SPTLC3: variants seen among roughly 807,000 people sequenced by gnomAD.
The protein encoded by SPTLC3 is serine palmitoyltransferase 3.
SPTLC3 carries 36 observed loss-of-function variants against 59.3 expected under a neutral mutation model. The observed-to-expected ratio is 0.61, with a 90% CI of 0.47 to 0.80. The LOEUF (loss-of-function observed/expected upper bound fraction) is 0.80, where lower values mean the gene tolerates loss of function less well. Ranked by LOEUF, SPTLC3 falls within the 30% of genes least tolerant of loss-of-function variation. The pLI, the probability that SPTLC3 is intolerant of heterozygous loss-of-function variation, is 0.00. For missense variants in SPTLC3, 625 were observed against 685.1 expected, an observed-to-expected ratio of 0.91 and a Z score of 0.98; for synonymous variants, 257 against 240.8, an observed-to-expected ratio of 1.07 and a Z score of -0.62.
chr20:13,072,674 A>T (rs1159243185), intron 3 of SPTLC3, among the ~76,000 whole-genome samples: 1 of 152,214 alleles, frequency 6.6e-6, no homozygotes, highest in Non-Finnish European at 1.5e-5. Flanking sequence ...CCAGGAAGAC[A>T]CCTTTCAGCT....
In SPTLC3 at chr20:13,166,622, C is replaced by A. The variant is rs547222545; in HGVS notation, c.*1755C>A. ...AGAAAGGGAGACATACTGTTCTTAT[C>A]TTGAATATGTGCATTTAAATGAATT... On this transcript the variant is annotated 3_prime_UTR_variant, in exon 12 of 12. Transcript: ENST00000399002. 6.6e-6 allele frequency: 1 copy of A among 152,286 alleles called. No homozygotes were observed. Among genetic ancestry groups the A allele is most frequent in the African/African-American group, 2.4e-5 (1 of 41,560 alleles). 9.4% of individuals were successfully genotyped at this position (152,286 alleles called of 1,614,324 possible).
intron 8 of SPTLC3, among the ~76,000 whole-genome samples, chr20:13,124,390 T>G (rs1392364470): frequency 6.6e-6 from 1 of 150,584 alleles, no homozygotes; most frequent in Non-Finnish European, 1.5e-5. Context: ...AGGAAGGAAA[T>G]ACTTTGAAAT....
At chr20:13,116,951 C>T (rs538585283) in intron 7 of SPTLC3, among the ~76,000 whole-genome samples, 15 of 152,344 alleles carry the variant, frequency 9.8e-5, no homozygotes, top group Admixed American at 9.8e-4. Context: ...ACACCTCGGT[C>T]TTTGACTTGA....
intron 2 of SPTLC3, among the ~76,000 whole-genome samples, chr20:13,071,172 T>C (rs1260429169): frequency 2.0e-5 from 3 of 152,244 alleles, no homozygotes; most frequent in African/African-American, 7.2e-5. Flanking sequence ...GCATTCATCC[T>C]AAGAAAACCT....
rs1301529742 is a variant in SPTLC3 at position 13,048,886 on chromosome 20, T to C, written c.118-59T>C. 3 of 1,401,878 alleles carry C rather than the reference T, an allele frequency of 2.1e-6. No individual in the cohort carries two copies. The East Asian group carries it at 7.3e-5, about 34-fold the overall frequency. The allele number at this position is 1,401,878 out of a possible 1,614,324, so 86.8% of individuals were successfully genotyped here. On this transcript the variant is annotated intron_variant, in intron 1 of 11. Transcript: ENST00000399002. ...AGGGTTGAAAGTTCACAATTTTAGGTATCATAGTATATCTGTAACAGGAGA... is the reference window on the plus strand; with the variant it reads ...AGGGTTGAAAGTTCACAATTTTAGGCATCATAGTATATCTGTAACAGGAGA...
chr20:13,014,172 G>A (rs1225197589), intron 1 of SPTLC3, among the ~76,000 whole-genome samples: 4 of 152,346 alleles, frequency 2.6e-5, no homozygotes, highest in South Asian at 2.1e-4. Flanking sequence ...GCAAGGCGAG[G>A]AGAAACAGAT....
At chr20:13,072,527 C>A in intron 3 of SPTLC3, 117 bp downstream of exon 3, 1 of 1,159,840 alleles carries the variant, frequency 8.6e-7, no homozygotes, top group Non-Finnish European at 1.2e-6. Flanking sequence ...GGTTTTGTAT[C>A]ATTTATGCCT....
chr20:13,127,008 G>A (rs1039126899), intron 9 of SPTLC3, among the ~76,000 whole-genome samples: 3 of 152,224 alleles, frequency 2.0e-5, no homozygotes, highest in Non-Finnish European at 2.9e-5. Flanking sequence ...GTGCGCGCAC[G>A]TGAGCGTGCA....
At chr20:13,084,474 TACTA>T (rs1405161858) in intron 4 of SPTLC3, among the ~76,000 whole-genome samples, 12 of 152,214 alleles carry the variant, frequency 7.9e-5, no homozygotes, top group African/African-American at 1.7e-4. Flanking sequence ...GCTCTAAACT[TACTA>T]ACTGTGTGAC....
chr20:13,079,975 C>A (rs777912916), intron 4 of SPTLC3: 2 of 245,502 alleles, frequency 8.1e-6, no homozygotes, highest in Admixed American at 5.4e-5. Context: ...CCCCAGGGAA[C>A]CAGAGAAAAC....
At chr20:13,157,413 G>T (rs2038799784) in intron 10 of SPTLC3, among the ~76,000 whole-genome samples, 1 of 152,006 alleles carries the variant, frequency 6.6e-6, no homozygotes, top group Non-Finnish European at 1.5e-5. Context: ...CTCCAGCCTG[G>T]GCAACAAGAG....
chr20:13,064,052 T>C (rs1203239816), intron 2 of SPTLC3, among the ~76,000 whole-genome samples: 1 of 150,212 alleles, frequency 6.7e-6, no homozygotes, highest in Non-Finnish European at 1.5e-5. Context: ...TTTTTTTTGA[T>C]GGAGTCTTGC....
chr20:13,093,795 T>C (rs1285514973), intron 6 of SPTLC3, among the ~76,000 whole-genome samples: 1 of 152,192 alleles, frequency 6.6e-6, no homozygotes, highest in Non-Finnish European at 1.5e-5. Context: ...CCAAACACAT[T>C]AATGTCACTG....
At chr20:13,106,848 G>A (rs1185052486) in intron 6 of SPTLC3, among the ~76,000 whole-genome samples, 2 of 152,174 alleles carry the variant, frequency 1.3e-5, no homozygotes, top group Non-Finnish European at 2.9e-5. Flanking sequence ...ATCTAGGTTT[G>A]GAACTAGCAA....
In SPTLC3 at chr20:13,165,400, T is replaced by G. The variant is rs1389511569; in HGVS notation, c.*533T>G. 1 of 152,694 alleles carries G rather than the reference T, an allele frequency of 6.5e-6. No individual in the cohort carries two copies. Among genetic ancestry groups the G allele is most frequent in the African/African-American group, 2.4e-5 (1 of 41,466 alleles). 9.5% of individuals were successfully genotyped at this position (152,694 alleles called of 1,614,324 possible). A position where few individuals can be genotyped will look rare whatever the true frequency, so the allele number is the denominator to read the frequency against. On this transcript the variant is annotated 3_prime_UTR_variant, in exon 12 of 12. Transcript: ENST00000399002. Reference sequence around the variant, plus strand: ...TGTTGTTTCTACCATTTGTCACATTTGGACGTTTTTCACAGACAAGTGTCA... The same window carrying G: ...TGTTGTTTCTACCATTTGTCACATTGGGACGTTTTTCACAGACAAGTGTCA...
chr20:13,067,436 G>A (rs1988265322), intron 2 of SPTLC3, among the ~76,000 whole-genome samples: 1 of 152,030 alleles, frequency 6.6e-6, no homozygotes, highest in Non-Finnish European at 1.5e-5. Context: ...GGTTTCCTGT[G>A]GTTTAATTTC....
At chr20:13,142,459 C>T (rs1304921919) in intron 9 of SPTLC3, among the ~76,000 whole-genome samples, 3 of 152,290 alleles carry the variant, frequency 2.0e-5, no homozygotes, top group African/African-American at 7.2e-5. Flanking sequence ...ACTGGTATTC[C>T]ACACTGGCCT....
At chr20:13,104,196 A>G (rs777013645) in intron 6 of SPTLC3, among the ~76,000 whole-genome samples, 4 of 152,230 alleles carry the variant, frequency 2.6e-5, no homozygotes, top group Non-Finnish European at 5.9e-5. Flanking sequence ...CCACATTTTC[A>G]TTTCTTATAG....
intron 1 of SPTLC3, among the ~76,000 whole-genome samples, chr20:13,034,880 A>G (rs1444566897): frequency 6.6e-6 from 1 of 152,144 alleles, no homozygotes; most frequent in Non-Finnish European, 1.5e-5. Flanking sequence ...GTCAAAATCA[A>G]ATAAAGAGAC....
Sources: gnomAD v4.1 joint callset for allele counts (sites outside exome capture counted in the v4.1 genomes callset) on GRCh38, gnomAD v4.1.1 for gene constraint, MANE v1.5 for transcripts, NCBI Gene and HGNC (gene_info 2026-07-23, HGNC 2026-07-21) for gene names.